JMJD1C: variants seen among roughly 807,000 people sequenced by gnomAD.
JMJD1C encodes jumonji domain containing 1C, also known as jumonji domain-containing protein 1C.
A neutral mutation model predicts 245.3 loss-of-function variants in JMJD1C; 31 were observed. That is an observed-to-expected ratio of 0.13 (90% CI 0.09 to 0.17). The LOEUF (loss-of-function observed/expected upper bound fraction) is 0.17. Among genes scored for constraint, JMJD1C ranks in the 10% least tolerant of loss-of-function variants. The probability of loss-of-function intolerance (pLI) is 1.00; values close to 1 mark genes in which losing one functional copy is unlikely to be tolerated. For synonymous variants in JMJD1C, 1,057 were observed against 1,017.4 expected, an observed-to-expected ratio of 1.04 and a Z score of -0.74; for missense variants, 2,691 against 3,000.2, an observed-to-expected ratio of 0.90 and a Z score of 2.41.
intron 3 of JMJD1C, among the ~76,000 whole-genome samples, chr10:63,224,446 G>A (rs1302420165): frequency 6.6e-6 from 1 of 152,188 alleles, no homozygotes; most frequent in South Asian, 2.1e-4. Context: ...GACAGGCATT[G>A]TTGTTGAATT....
At chr10:63,285,468 A>G (rs1857876728) in intron 2 of JMJD1C, among the ~76,000 whole-genome samples, 1 of 152,160 alleles carries the variant, frequency 6.6e-6, no homozygotes, top group Admixed American at 6.5e-5. Flanking sequence ...CGCAGATCCC[A>G]AATCAGAAAG....
At chr10:63,256,144 C>T (rs1853887856) in intron 3 of JMJD1C, among the ~76,000 whole-genome samples, 1 of 152,134 alleles carries the variant, frequency 6.6e-6, no homozygotes, top group African/African-American at 2.4e-5. Flanking sequence ...AGAACTACTG[C>T]AGTGACTTAT....
intron 2 of JMJD1C, among the ~76,000 whole-genome samples, chr10:63,316,299 C>T (rs1218502663): frequency 6.6e-6 from 1 of 152,118 alleles, no homozygotes; most frequent in Non-Finnish European, 1.5e-5. Flanking sequence ...TCTGTTTTTC[C>T]GAAAGTAATG....
chr10:63,183,324 T>A (rs1157705389), intron 22 of JMJD1C, 123 bp downstream of exon 22: 1 of 798,954 alleles, frequency 1.3e-6, no homozygotes, highest in South Asian at 1.9e-5. Flanking sequence ...AAAATGCCCC[T>A]ACATCCATTG....
chr10:63,521,605 C>G (rs1342555888), intron 1 of JMJD1C: 2 of 1,392,426 alleles, frequency 1.4e-6, no homozygotes, highest in Non-Finnish European at 1.9e-6. Flanking sequence ...CGCCCTGCAG[C>G]CGGCGCGAGG....
At chr10:63,250,211 T>C (rs1852868492) in intron 3 of JMJD1C, among the ~76,000 whole-genome samples, 1 of 152,030 alleles carries the variant, frequency 6.6e-6, no homozygotes. Context: ...AGAAACAGGG[T>C]CTTGCTATGT....
In JMJD1C at chr10:63,189,214, T is replaced by C; in HGVS notation, c.6524A>G (p.Asn2175Ser). ...TTTGAAAAGCTTCCAATTACTGCTATTCTTATAATCCTTAAGCCATAAAAT... is the reference window on the plus strand; with the variant it reads ...TTTGAAAAGCTTCCAATTACTGCTACTCTTATAATCCTTAAGCCATAAAAT... ...KHILWLKDYK[N>S]SSNWKLFKEC... Residue 2175 changes from asparagine to serine, a missense_variant, in exon 18 of 26, where the codon AAT (asparagine) becomes AGT (serine). Coordinates refer to ENST00000399262, the MANE Select transcript of JMJD1C (RefSeq NM_032776.3). The C allele has an allele frequency of 6.2e-7, 1 of 1,612,516 alleles. No homozygotes were observed. Among genetic ancestry groups the C allele is most frequent in the Non-Finnish European group, 8.5e-7 (1 of 1,179,442 alleles).
Position 63,422,333 on chromosome 10 carries a change from A to T in JMJD1C, c.169-41851T>A, listed in dbSNP as rs957170422. Among the ~76,000 whole-genome samples, 3 of 151,980 alleles carry T rather than the reference A, an allele frequency of 2.0e-5. No individual in the cohort carries two copies. In the East Asian group the frequency reaches 5.8e-4, roughly 29 times the overall value. ...AGGCTGAGGCAGGAGAATCGCTTGAACCCAGGAGGCGGGGTTGCAGTGAGC... is the reference window on the plus strand; with the variant it reads ...AGGCTGAGGCAGGAGAATCGCTTGATCCCAGGAGGCGGGGTTGCAGTGAGC... On this transcript the variant is annotated intron_variant, in intron 1 of 25. Coordinates refer to ENST00000399262, the MANE Select transcript of JMJD1C (RefSeq NM_032776.3).
intron 2 of JMJD1C, among the ~76,000 whole-genome samples, chr10:63,356,402 T>A (rs576879312): frequency 5.3e-5 from 8 of 152,344 alleles, no homozygotes; most frequent in African/African-American, 1.9e-4. Flanking sequence ...GAAAATGAAT[T>A]ACTTTGAGCT....
chr10:63,458,007 G>A (rs1952525075), intron 1 of JMJD1C, among the ~76,000 whole-genome samples: 2 of 152,052 alleles, frequency 1.3e-5, no homozygotes, highest in South Asian at 2.1e-4. Flanking sequence ...TCATCAATGG[G>A]TTTAAGATAA....
At chr10:63,306,724 A>G (rs1376724024) in intron 2 of JMJD1C, among the ~76,000 whole-genome samples, 1 of 152,258 alleles carries the variant, frequency 6.6e-6, no homozygotes, top group East Asian at 1.9e-4. Context: ...AAAATGTTAC[A>G]TATCAATAAC....
At chr10:63,281,391 C>A (rs1857371895) in intron 2 of JMJD1C, among the ~76,000 whole-genome samples, 1 of 146,640 alleles carries the variant, frequency 6.8e-6, no homozygotes, top group Non-Finnish European at 1.5e-5. Flanking sequence ...GAACTCCTGA[C>A]CTTGTGATCT....
intron 2 of JMJD1C, among the ~76,000 whole-genome samples, chr10:63,377,730 G>A (rs981374935): frequency 1.3e-5 from 2 of 151,244 alleles, no homozygotes; most frequent in African/African-American, 4.9e-5. Flanking sequence ...GCAAGACTCC[G>A]TCTCAAAAAA....
In JMJD1C at chr10:63,207,659, G is replaced by A; in HGVS notation, c.4010C>T (p.Ala1337Val). Residue 1337 changes from alanine (A) to valine (V), a missense_variant, in exon 10 of 26, where the codon GCA becomes GTA. Physicochemically the swap from Ala to Val is moderately conservative, Grantham distance 64. Coordinates refer to ENST00000399262, the MANE Select transcript of JMJD1C (RefSeq NM_032776.3). The part of the protein sequence containing the change: ...DRVSERSSAG[A>V]HKTDCLKLAE... ...TAGTTTGAGGCAATCTGTTTTATGT[G>A]CCCCAGCTGAAGATCTTTCACTAAC... The A allele has an allele frequency of 6.2e-7, 1 of 1,614,052 alleles. No individual in the cohort carries two copies. Among genetic ancestry groups the A allele is most frequent in the Non-Finnish European group, 8.5e-7 (1 of 1,179,988 alleles).
In JMJD1C at chr10:63,319,200, T is replaced by C. The variant is rs145007708; in HGVS notation, c.334-54436A>G. Among the ~76,000 whole-genome samples, 571 of 141,814 alleles carry C rather than the reference T, an allele frequency of 4.0e-3. 5 individuals carry two copies. The highest frequency in any genetic ancestry group is 0.014 in the African/African-American group (535 of 37,856). 93.0% of individuals were successfully genotyped at this position (141,814 alleles called of 152,430 possible). On this transcript the variant is annotated intron_variant, in intron 2 of 25. Transcript: ENST00000399262. ...TGAACCCCGGAGGCGGAGCTTGCAG[T>C]GTGCTGAGACTGCGCCACTGCACTC...
intron 2 of JMJD1C, among the ~76,000 whole-genome samples, chr10:63,268,232 CA>C (rs5785564): frequency 0.58 from 75,623 of 129,816 alleles, 21,498 homozygotes; most frequent in Admixed American, 0.65. Context: ...TTTAGTCTAC[CA>C]AAAAAAAAAA....
Position 63,465,950 on chromosome 10 carries a change from C to G in JMJD1C, c.-288G>C. The G allele has an allele frequency of 1.9e-6, 1 of 527,648 alleles. No homozygotes were observed. Among genetic ancestry groups the G allele is most frequent in the Admixed American group, 2.9e-5 (1 of 34,810 alleles). The allele number at this position is 527,648 out of a possible 1,614,324, so 32.7% of individuals were successfully genotyped here. On this transcript the variant is annotated 5_prime_UTR_variant, in exon 1 of 26. Transcript: ENST00000399262. The stretch of plus-strand genomic sequence containing the variant: ...CGTCGAAGACCCCGAGGCAGCCCAG[C>G]CGCCGCCACCGCGCCGCGGCCAGTA...
rs531131755 is a variant in JMJD1C at position 63,293,516 on chromosome 10, T to C, written c.334-28752A>G. Among the ~76,000 whole-genome samples, 44 of 152,268 alleles carry C rather than the reference T, an allele frequency of 2.9e-4. No homozygotes were observed. The South Asian group carries it at 8.9e-3, about 31-fold the overall frequency. ...TGTAATATTTGTTTTTCCTTCTTTA[T>C]CAAAAATACACAATCAACACACTCA... is the stretch of plus-strand genomic sequence containing the variant. On this transcript the variant is annotated intron_variant, in intron 2 of 25. Transcript: ENST00000399262.
rs763728298 is a variant in JMJD1C, at chr10:63,405,139, C to T, written c.169-24657G>A. ...TTTATACAACACATGTATGTACATTCTCTCACTTCATTTTTAGCACCTCAA... is the reference window on the plus strand; with the variant it reads ...TTTATACAACACATGTATGTACATTTTCTCACTTCATTTTTAGCACCTCAA... On this transcript the variant is annotated intron_variant, in intron 1 of 25. Transcript: ENST00000399262. Among the ~76,000 whole-genome samples the T allele has an allele frequency of 5.3e-5, 8 of 152,038 alleles. No individual in the cohort carries two copies. In the South Asian group the frequency reaches 1.7e-3, roughly 32 times the overall value.
Sources: allele counts gnomAD v4.1 joint callset (sites outside exome capture counted in the v4.1 genomes callset), GRCh38; gene constraint gnomAD v4.1.1; transcripts MANE v1.5; gene names NCBI Gene and HGNC (gene_info 2026-07-23, HGNC 2026-07-21).